Variants in EIF2AK1 observed in about 807,000 individuals in gnomAD.
EIF2AK1 encodes the protein eukaryotic translation initiation factor 2 alpha kinase 1, also known as eukaryotic translation initiation factor 2-alpha kinase 1.
EIF2AK1 carries 54 observed loss-of-function variants against 77.9 expected under a neutral mutation model. That is an observed-to-expected ratio of 0.69 (90% CI 0.56 to 0.87). EIF2AK1 has a LOEUF of 0.87. EIF2AK1 is among the 40% of genes least tolerant of loss of function. EIF2AK1 has a pLI of 0.00. For synonymous variants in EIF2AK1, 314 were observed against 290.5 expected (o/e 1.08, Z -0.82); for missense variants, 810 against 768.6 (o/e 1.05, Z -0.64).
chr7:6,040,841 G>A (rs1461893490), intron 9 of EIF2AK1, 51 bp downstream of exon 9: 1 of 1,459,606 alleles, frequency 6.9e-7, no homozygotes, highest in Non-Finnish European at 9.5e-7. Context: ...CCACACACCT[G>A]CACAGTCACC....
chr7:6,024,135 T>A lies in EIF2AK1; in HGVS notation c.*538A>T. 1 of 1,294,466 alleles carries A rather than the reference T, an allele frequency of 7.7e-7. No homozygotes were observed. Among genetic ancestry groups the A allele is most frequent in the Non-Finnish European group, 1.0e-6 (1 of 992,548 alleles). The allele number at this position is 1,294,466 out of a possible 1,614,324, so 80.2% of individuals were successfully genotyped here. A position where few individuals can be genotyped will look rare whatever the true frequency, so the allele number is the denominator to read the frequency against. ...CTAAACTGAAGGTGGAGAGAACAGA[T>A]AAAAAGGTTGGAAGTTGCACACTGT... On this transcript the variant is annotated 3_prime_UTR_variant, in exon 15 of 15. Coordinates refer to ENST00000199389, the MANE Select transcript of EIF2AK1 (RefSeq NM_014413.4).
At chr7:6,050,871 G>A (rs947628405) in intron 2 of EIF2AK1, among the ~76,000 whole-genome samples, 1 of 151,350 alleles carries the variant, frequency 6.6e-6, no homozygotes, top group African/African-American at 2.4e-5. Flanking sequence ...CCTAAGTGCT[G>A]GGATTACAGG....
At chr7:6,058,941 G>A (rs746024457) in intron 1 of EIF2AK1, 25 bp downstream of exon 1, 8 of 1,499,782 alleles carry the variant, frequency 5.3e-6, no homozygotes, top group African/African-American at 1.5e-5. Context: ...GAGCAGAGCG[G>A]CGACGCCGCG....
Position 6,044,606 on chromosome 7 carries a change from T to C in EIF2AK1, c.686A>G (p.Tyr229Cys). Residue 229 changes from tyrosine (Y) to cysteine (C), a missense_variant, in exon 7 of 15, where the codon TAT becomes TGT. Physicochemically the swap from Tyr to Cys is radical, Grantham distance 194 (BLOSUM62 -2). This residue lies in a region of EIF2AK1 where 549 missense variants were observed against 533.7 expected (regional missense o/e 1.03). Transcript: ENST00000199389. ...AGLQHPNIVG[Y>C]HTAWIEHVHV... ...AACATGTTCTATCCACGCGGTGTGA[T>C]AGCCAACAATATTGGGGTGCTGAAG... is the stretch of plus-strand genomic sequence containing the variant. 3 of 1,614,106 alleles carry C rather than the reference T, an allele frequency of 1.9e-6. No individual in the cohort carries two copies. Among genetic ancestry groups the C allele is most frequent in the South Asian group, 1.1e-5 (1 of 91,068 alleles).
In EIF2AK1 at chr7:6,023,643, T is replaced by C. The variant is rs1226241947; in HGVS notation, c.*1030A>G. 6.2e-7 allele frequency: 1 copy of C among 1,614,154 alleles called. No individual in the cohort carries two copies. The highest frequency in any genetic ancestry group is 8.5e-7 in the Non-Finnish European group (1 of 1,180,040). On this transcript the variant is annotated 3_prime_UTR_variant, in exon 15 of 15. Coordinates refer to ENST00000199389, the MANE Select transcript of EIF2AK1 (RefSeq NM_014413.4). ...CCAATGTGCAGAGGTGGATGAGGTC[T>C]TGTGAAAACCTGGCTCCTTTTAACA...
chr7:6,029,222 G>C (rs984985531), intron 11 of EIF2AK1, among the ~76,000 whole-genome samples, 190 bp from the exon 12 acceptor site: 1 of 152,182 alleles, frequency 6.6e-6, no homozygotes, highest in Admixed American at 6.5e-5. Flanking sequence ...ACATCTGGCC[G>C]GGTGCAGTGG....
At chr7:6,030,343 G>A (rs1242575077) in intron 11 of EIF2AK1, among the ~76,000 whole-genome samples, 2 of 152,118 alleles carry the variant, frequency 1.3e-5, no homozygotes, top group African/African-American at 2.4e-5. Context: ...TGCATGCTAG[G>A]AGATAAATCA....
At chr7:6,042,018 G>A (rs1312786810) in intron 8 of EIF2AK1, among the ~76,000 whole-genome samples, 1 of 151,936 alleles carries the variant, frequency 6.6e-6, no homozygotes, top group African/African-American at 2.4e-5. Flanking sequence ...ACATGGTGGC[G>A]CAAGCTTGTA....
intron 2 of EIF2AK1, among the ~76,000 whole-genome samples, chr7:6,051,428 C>A (rs940701455): frequency 6.6e-6 from 1 of 151,856 alleles, no homozygotes; most frequent in Non-Finnish European, 1.5e-5. Context: ...CACACCACCA[C>A]GCCTGGCTAA....
chr7:6,028,568 G>T (rs1787815823), intron 13 of EIF2AK1, 47 bp downstream of exon 13: 1 of 1,580,596 alleles, frequency 6.3e-7, no homozygotes, highest in South Asian at 1.1e-5. Flanking sequence ...TGTTATTTAA[G>T]ACTGCAGAAT....
At chr7:6,037,597 C>G in intron 10 of EIF2AK1, 73 bp from the exon 11 acceptor site, 2 of 868,892 alleles carry the variant, frequency 2.3e-6, no homozygotes, top group Non-Finnish European at 3.8e-6. Context: ...ATATTAATGT[C>G]ATTCTAAATA....
chr7:6,035,929 A>G lies in EIF2AK1; in HGVS notation c.1332+1495T>C. The G allele has an allele frequency of 2.6e-6, 4 of 1,547,242 alleles. No homozygotes were observed. The highest frequency in any genetic ancestry group is 3.5e-6 in the Non-Finnish European group (4 of 1,144,830). On this transcript the variant is annotated intron_variant, in intron 11 of 14. Transcript: ENST00000199389. This position sits in a 1 kb window ranked among gnomAD's most constrained non-coding sequence, Gnocchi z 5.5. The stretch of plus-strand genomic sequence containing the variant: ...AGCTGCATCCGTCTGCTACTCACTC[A>G]CGGAGCCAAAGTCAACGCCCAGGAC...
chr7:6,051,578 C>T (rs1583497824), intron 2 of EIF2AK1, among the ~76,000 whole-genome samples: 1 of 151,840 alleles, frequency 6.6e-6, no homozygotes. Flanking sequence ...TACAGGCACC[C>T]GCCAACATAC....
In EIF2AK1 at chr7:6,047,030, C is replaced by G. The variant is rs774595713; in HGVS notation, c.511G>C (p.Ala171Pro). 1.2e-6 allele frequency: 2 copies of G among 1,613,568 alleles called. No individual in the cohort carries two copies. Among genetic ancestry groups the G allele is most frequent in the African/African-American group, 2.7e-5 (2 of 74,914 alleles). Residue 171 changes from alanine to proline, a missense_variant, in exon 5 of 15, where the codon GCC becomes CCC. Around this residue, in one of 3 missense-constraint regions of EIF2AK1, gnomAD observed 15 missense variants for 35.9 expected, o/e 0.42. Coordinates refer to ENST00000199389, the MANE Select transcript of EIF2AK1 (RefSeq NM_014413.4). Reference sequence around the variant, plus strand: ...CCGTATCCACCTTTTCCTAAGATGGCAAGTTCTTCAAATTCATTTAAGTAA... The same window carrying G: ...CCGTATCCACCTTTTCCTAAGATGGGAAGTTCTTCAAATTCATTTAAGTAA... ...SRYLNEFEELAILGKGGYGRV... is the reference protein window; with the variant it reads ...SRYLNEFEELPILGKGGYGRV...
At position 6,024,817 on chromosome 7, in the gene EIF2AK1, A is replaced by T; in HGVS notation, c.1765-16T>A. The T allele has an allele frequency of 2.8e-6, 4 of 1,440,880 alleles. No homozygotes were observed. Among genetic ancestry groups the T allele is most frequent in the Non-Finnish European group, 3.7e-6 (4 of 1,085,874 alleles). The allele number at this position is 1,440,880 out of a possible 1,614,324, so 89.3% of individuals were successfully genotyped here. ...TGAGGTTAACCTGTAAGGAGAAAAT[A>T]TTTTAAACTCCATTAAAATAACTTT... On this transcript the variant is annotated splice_polypyrimidine_tract_variant and intron_variant, in intron 14 of 14. Coordinates refer to ENST00000199389, the MANE Select transcript of EIF2AK1 (RefSeq NM_014413.4).
chr7:6,041,396 G>A (rs947051933), intron 8 of EIF2AK1, among the ~76,000 whole-genome samples, 177 bp from the exon 9 acceptor site: 1 of 151,886 alleles, frequency 6.6e-6, no homozygotes, highest in Admixed American at 6.6e-5. Context: ...AAAATTAGAC[G>A]GGTATGGTGG....
chr7:6,056,613 A>AAATATATATATATATATATATAT, intron 1 of EIF2AK1, among the ~76,000 whole-genome samples: 6 of 43,732 alleles, frequency 1.4e-4, no homozygotes, highest in Non-Finnish European at 2.4e-4. Context: ...AAAAAAAAAA[A>AAATATATATATATATATATATAT]ATATATATAT....
chr7:6,051,742 T>C (rs930748845), intron 2 of EIF2AK1, among the ~76,000 whole-genome samples: 4 of 151,690 alleles, frequency 2.6e-5, no homozygotes, highest in African/African-American at 4.8e-5. Context: ...ATATTCTTTC[T>C]GCATCAAAAA....
chr7:6,027,790 G>A lies in EIF2AK1; in HGVS notation c.1530+825C>T, dbSNP rs1233565187. 7.2e-6 allele frequency: 2 copies of A among 278,030 alleles called. No homozygotes were observed. Among genetic ancestry groups the A allele is most frequent in the Admixed American group, 1.0e-4 (2 of 20,090 alleles). 17.2% of individuals were successfully genotyped at this position (278,030 alleles called of 1,614,324 possible). ...TCATTTCAAAATCGATTTAGGCCAG[G>A]CGCAGAGGTTCATGCCTTAATCCCA... On this transcript the variant is annotated intron_variant, in intron 13 of 14. Coordinates refer to ENST00000199389, the MANE Select transcript of EIF2AK1 (RefSeq NM_014413.4). The surrounding 1 kb of genome is among the most constrained non-coding windows in gnomAD (Gnocchi z 4.5).
Sources: gnomAD v4.1 joint callset for allele counts (sites outside exome capture counted in the v4.1 genomes callset) on GRCh38, gnomAD v4.1.1 for gene constraint, gnomAD v4.1.1 regional missense constraint, Gnocchi (gnomAD v3.1) non-coding constraint, MANE v1.5 for transcripts, NCBI Gene and HGNC (gene_info 2026-07-23, HGNC 2026-07-21) for gene names.